ITGA9: variants seen among roughly 807,000 people sequenced by gnomAD.
ITGA9 encodes the protein integrin subunit alpha 9.
ITGA9 carries 56 observed loss-of-function variants against 127.8 expected under a neutral mutation model. That is an observed-to-expected ratio of 0.44 (90% CI 0.35 to 0.55). The LOEUF is 0.55. Among genes scored for constraint, ITGA9 ranks in the 20% least tolerant of loss-of-function variants. ITGA9 has a pLI of 0.00. For synonymous variants in ITGA9, 508 were observed against 514.5 expected (o/e 0.99, Z 0.17); for missense variants, 1,196 against 1,347.1 (o/e 0.89, Z 1.76).
intron 9 of ITGA9, among the ~76,000 whole-genome samples, chr3:37,514,908 C>T (rs187982450): frequency 1.8e-4 from 27 of 149,210 alleles, no homozygotes; most frequent in African/African-American, 4.2e-4. Context: ...ATGAAAGGGA[C>T]GTGACATGGA....
chr3:37,660,273 A>C (rs150451739), intron 17 of ITGA9, among the ~76,000 whole-genome samples: 371 of 152,306 alleles, frequency 2.4e-3, no homozygotes, highest in African/African-American at 8.4e-3. Flanking sequence ...TGTTTTAGGG[A>C]AAAAATAACA....
At chr3:37,816,715 C>T (rs570282404) in intron 27 of ITGA9, among the ~76,000 whole-genome samples, 4 of 152,120 alleles carry the variant, frequency 2.6e-5, no homozygotes, top group South Asian at 2.1e-4. Flanking sequence ...TGTGTGGGGG[C>T]GTCAGAACAT....
intron 15 of ITGA9, among the ~76,000 whole-genome samples, chr3:37,543,833 G>C (rs1489200981): frequency 6.6e-6 from 1 of 152,242 alleles, no homozygotes; most frequent in East Asian, 1.9e-4. Context: ...GGGCTGGGCT[G>C]TGTCTTCTGC....
chr3:37,538,776 C>T (rs1043055894), intron 14 of ITGA9, among the ~76,000 whole-genome samples: 2 of 152,186 alleles, frequency 1.3e-5, no homozygotes, highest in Non-Finnish European at 2.9e-5. Context: ...CAGGGTCTCT[C>T]GTTGTGACTC....
intron 18 of ITGA9, among the ~76,000 whole-genome samples, chr3:37,720,005 C>T (rs1483245113): frequency 6.6e-6 from 1 of 152,204 alleles, no homozygotes; most frequent in Non-Finnish European, 1.5e-5. Flanking sequence ...TATCATGTTT[C>T]CTCCAGGGAG....
At chr3:37,500,532 G>A (rs564566189) in intron 5 of ITGA9, among the ~76,000 whole-genome samples, 8 of 152,236 alleles carry the variant, frequency 5.3e-5, no homozygotes, top group East Asian at 3.9e-4. Flanking sequence ...ACCATAACAC[G>A]TATTGTTTAA....
intron 18 of ITGA9, among the ~76,000 whole-genome samples, chr3:37,710,577 G>A (rs868783796): frequency 6.6e-5 from 10 of 152,146 alleles, no homozygotes; most frequent in African/African-American, 9.7e-5. Flanking sequence ...CCTGAACATC[G>A]GAGATAGATT....
intron 25 of ITGA9, among the ~76,000 whole-genome samples, chr3:37,784,282 C>T (rs996654134): frequency 5.3e-5 from 8 of 152,136 alleles, no homozygotes; most frequent in African/African-American, 1.7e-4. Context: ...CCTGTTTTGG[C>T]GCCATTTTCT....
chr3:37,732,731 G>C lies in ITGA9; in HGVS notation c.2087G>C (p.Cys696Ser). Residue 696 changes from cysteine (C) to serine (S), a missense_variant, in exon 19 of 28, where the codon TGT becomes TCT. Physicochemically the swap from Cys to Ser is moderately radical, Grantham distance 112. Transcript: ENST00000264741. ...MWQKEEMGIS[C>S]ELLESDFLKC... ...TTTCAGGAGGAGATGGGCATCTCCT[G>C]TGAGCTGCTGGAATCGGACTTCCTC... is the stretch of plus-strand genomic sequence containing the variant. The C allele has an allele frequency of 6.2e-7, 1 of 1,609,834 alleles. No homozygotes were observed. The highest frequency in any genetic ancestry group is 1.1e-5 in the South Asian group (1 of 89,272).
At chr3:37,649,392 C>T (rs889518050) in intron 16 of ITGA9, among the ~76,000 whole-genome samples, 3 of 152,000 alleles carry the variant, frequency 2.0e-5, no homozygotes, top group East Asian at 1.9e-4. Flanking sequence ...AAAAGGTAGT[C>T]CATGCAAATA....
intron 15 of ITGA9, among the ~76,000 whole-genome samples, chr3:37,576,289 C>G (rs896950645): frequency 6.6e-6 from 1 of 152,182 alleles, no homozygotes; most frequent in Non-Finnish European, 1.5e-5. Context: ...CTTGGAGCAG[C>G]CTTTTAACAG....
chr3:37,607,730 G>T (rs577149774), intron 15 of ITGA9, among the ~76,000 whole-genome samples: 24 of 152,304 alleles, frequency 1.6e-4, no homozygotes, highest in Admixed American at 9.8e-4. Context: ...GGGTTAAAAT[G>T]TCTGGTGCCA....
chr3:37,672,255 TC>T (rs60120875), intron 17 of ITGA9, among the ~76,000 whole-genome samples: 12,102 of 152,184 alleles, frequency 0.08, 1,522 homozygotes, highest in African/African-American at 0.27. Context: ...CTCCCGTAAT[TC>T]CCACATGTTG....
At chr3:37,532,371 C>T (rs1458281051) in intron 13 of ITGA9, among the ~76,000 whole-genome samples, 1 of 152,220 alleles carries the variant, frequency 6.6e-6, no homozygotes. Flanking sequence ...TCCGCCCTAT[C>T]ACCCTGGGCT....
chr3:37,483,368 G>A (rs192123477), intron 4 of ITGA9, among the ~76,000 whole-genome samples: 1 of 152,080 alleles, frequency 6.6e-6, no homozygotes, highest in East Asian at 1.9e-4. Context: ...TTGATCTGAG[G>A]TCTTTACACA....
At position 37,557,532 on chromosome 3, in the gene ITGA9, C is replaced by T. The variant is rs925868652; in HGVS notation, c.1689+14947C>T. ...CATGGGAGTTGGAACAATGGTGGGTCCAATGGTGGATGAATAGTTTATTCA... is the reference window on the plus strand; with the variant it reads ...CATGGGAGTTGGAACAATGGTGGGTTCAATGGTGGATGAATAGTTTATTCA... On this transcript the variant is annotated intron_variant, in intron 15 of 27. Coordinates refer to ENST00000264741, the MANE Select transcript of ITGA9 (RefSeq NM_002207.3). Among the ~76,000 whole-genome samples, 6 of 152,058 alleles carry T rather than the reference C, an allele frequency of 3.9e-5. No homozygotes were observed. In the South Asian group the frequency reaches 1.0e-3, roughly 26 times the overall value.
chr3:37,688,488 C>T (rs750749763), intron 18 of ITGA9, among the ~76,000 whole-genome samples: 1 of 152,008 alleles, frequency 6.6e-6, no homozygotes, highest in Non-Finnish European at 1.5e-5. Context: ...ATACCAATAA[C>T]AATTTGAGAA....
At chr3:37,565,806 G>A (rs768294417) in intron 15 of ITGA9, among the ~76,000 whole-genome samples, 2 of 152,190 alleles carry the variant, frequency 1.3e-5, no homozygotes, top group South Asian at 2.1e-4. Flanking sequence ...ACATTCCCAC[G>A]TGATGCTGCT....
chr3:37,498,766 C>T lies in ITGA9; in HGVS notation c.612+4198C>T, dbSNP rs562769159. On this transcript the variant is annotated intron_variant, in intron 5 of 27. Coordinates refer to ENST00000264741, the MANE Select transcript of ITGA9 (RefSeq NM_002207.3). ...CCTGCTGTCTCCTGGCTACTTTGGA[C>T]TTTGGCCTCCGCTTCAGTTCCCAGG... Among the ~76,000 whole-genome samples, 221 of 152,336 alleles carry T rather than the reference C, an allele frequency of 1.5e-3. 1 individual carries two copies. The highest frequency in any genetic ancestry group is 5.0e-3 in the African/African-American group (208 of 41,576).
Sources: gnomAD v4.1 joint callset for allele counts (sites outside exome capture counted in the v4.1 genomes callset) on GRCh38, gnomAD v4.1.1 for gene constraint, MANE v1.5 for transcripts, NCBI Gene and HGNC (gene_info 2026-07-23, HGNC 2026-07-21) for gene names.